NDRG1: variants seen among roughly 807,000 people sequenced by gnomAD.
The protein encoded by NDRG1 is N-myc downstream regulated 1.
Under a neutral mutation model 56.9 loss-of-function variants are expected in NDRG1, and 32 were observed. The ratio of observed to expected loss-of-function variants is 0.56; its 90% confidence interval spans 0.42 to 0.76. NDRG1 has a LOEUF of 0.76. Among genes scored for constraint, NDRG1 ranks in the 30% least tolerant of loss-of-function variants. The pLI, the probability that NDRG1 is intolerant of heterozygous loss-of-function variation, is 0.00. For synonymous variants in NDRG1, 211 were observed against 204.1 expected (o/e 1.03, Z -0.29); for missense variants, 507 against 545.7 (o/e 0.93, Z 0.71).
intron 1 of NDRG1, among the ~76,000 whole-genome samples, chr8:133,287,497 C>T (rs555692850): frequency 1.4e-4 from 22 of 152,368 alleles, no homozygotes; most frequent in African/African-American, 3.8e-4. Context: ...CCTGCCCCCA[C>T]GGAGCTCACA....
chr8:133,243,953 G>A (rs995131444), intron 14 of NDRG1, among the ~76,000 whole-genome samples: 4 of 151,728 alleles, frequency 2.6e-5, no homozygotes, highest in African/African-American at 9.7e-5. Context: ...CACACACACA[G>A]ACGTGTACAC....
At chr8:133,250,774 G>A (rs570609357) in intron 9 of NDRG1, among the ~76,000 whole-genome samples, 1 of 152,088 alleles carries the variant, frequency 6.6e-6, no homozygotes, top group East Asian at 1.9e-4. Context: ...TCCTGGAAAG[G>A]CCACACCCCA....
At position 133,238,087 on chromosome 8, in the gene NDRG1, G is replaced by A. The variant is rs1174133451; in HGVS notation, c.*791C>T. The A allele has an allele frequency of 1.7e-5, 4 of 233,042 alleles. No individual in the cohort carries two copies. Among genetic ancestry groups the A allele is most frequent in the Non-Finnish European group, 3.4e-5 (4 of 117,990 alleles). The allele number at this position is 233,042 out of a possible 1,614,324, so 14.4% of individuals were successfully genotyped here. ...TCATGTATCAGGGGTGGGAGGTTGG[G>A]GCTGTGGAGGAGAGGCAGAAAGCAG... On this transcript the variant is annotated 3_prime_UTR_variant, in exon 16 of 16. Coordinates refer to ENST00000323851, the MANE Select transcript of NDRG1 (RefSeq NM_006096.4).
At chr8:133,258,209 T>TAC (rs1439696342) in intron 7 of NDRG1, among the ~76,000 whole-genome samples, 157 bp downstream of exon 7, 1 of 151,090 alleles carries the variant, frequency 6.6e-6, no homozygotes, top group Admixed American at 6.6e-5. Context: ...TATATATATA[T>TAC]ACGAGTACCC....
At chr8:133,281,326 C>G (rs190095724) in intron 2 of NDRG1, among the ~76,000 whole-genome samples, 18 of 149,578 alleles carry the variant, frequency 1.2e-4, no homozygotes, top group Non-Finnish European at 2.4e-4. Context: ...CATGGCACTC[C>G]AGCCTGGGCA....
At chr8:133,241,909 G>C in intron 15 of NDRG1, 114 bp downstream of exon 15, 1 of 1,252,954 alleles carries the variant, frequency 8.0e-7, no homozygotes, top group Non-Finnish European at 1.2e-6. Context: ...CTCCCAGAAA[G>C]CTGAAGCTGG....
chr8:133,292,614 C>G (rs1858492367), intron 1 of NDRG1, among the ~76,000 whole-genome samples: 1 of 152,122 alleles, frequency 6.6e-6, no homozygotes, highest in South Asian at 2.1e-4. Context: ...GCCATAGACC[C>G]ACCTCTTAAA....
intron 12 of NDRG1, 24 bp downstream of exon 12, chr8:133,247,851 A>C (rs752095316): frequency 1.9e-6 from 3 of 1,613,722 alleles, no homozygotes; most frequent in Non-Finnish European, 2.5e-6. Context: ...TTAAACACAG[A>C]AATCAGCTGT....
chr8:133,266,166 G>A (rs1414901888), intron 3 of NDRG1, among the ~76,000 whole-genome samples: 2 of 152,242 alleles, frequency 1.3e-5, no homozygotes, highest in South Asian at 2.1e-4. Context: ...GCAGCACAGA[G>A]GCAGGTCCCC....
chr8:133,252,147 A>G (rs1054302977), intron 9 of NDRG1, among the ~76,000 whole-genome samples: 1 of 152,172 alleles, frequency 6.6e-6, no homozygotes, highest in African/African-American at 2.4e-5. Context: ...CCCAGGCTGC[A>G]GTGCATGGCG....
At chr8:133,296,982 G>A (rs1177890870) in intron 1 of NDRG1, 152 bp downstream of exon 1, 1 of 160,626 alleles carries the variant, frequency 6.2e-6, no homozygotes, top group African/African-American at 2.4e-5. Flanking sequence ...CCTCGCGCCC[G>A]CGCCCCGGGG....
intron 4 of NDRG1, 118 bp downstream of exon 4, chr8:133,264,429 A>G (rs1489393229): frequency 2.5e-5 from 22 of 875,568 alleles, no homozygotes; most frequent in Non-Finnish European, 4.1e-5. Context: ...GAACAGCCCC[A>G]GGAAGTCCCA....
chr8:133,242,451 C>T (rs765367311), intron 14 of NDRG1, among the ~76,000 whole-genome samples: 5 of 152,230 alleles, frequency 3.3e-5, no homozygotes, highest in Non-Finnish European at 7.3e-5. Flanking sequence ...GGCTTTGCTG[C>T]GTTCATTCAT....
At chr8:133,264,312 T>C (rs981789449) in intron 4 of NDRG1, among the ~76,000 whole-genome samples, 1 of 152,234 alleles carries the variant, frequency 6.6e-6, no homozygotes, top group Non-Finnish European at 1.5e-5. Flanking sequence ...CTGCCACAGA[T>C]AGCAAACAGC....
At chr8:133,289,296 A>C (rs767029118) in intron 1 of NDRG1, among the ~76,000 whole-genome samples, 16 of 152,206 alleles carry the variant, frequency 1.1e-4, no homozygotes, top group Middle Eastern at 3.4e-3. Context: ...GTGGGGCTTA[A>C]ATTCAAGAAT....
In NDRG1 at chr8:133,242,042, G is replaced by A. The variant is rs1376691366; in HGVS notation, c.924C>T (p.Phe308=). 8.7e-6 allele frequency: 14 copies of A among 1,614,060 alleles called. No homozygotes were observed. Among genetic ancestry groups the A allele is most frequent in the Admixed American group, 5.0e-5 (3 of 60,000 alleles). Residue 308 remains phenylalanine, a synonymous_variant, in exon 15 of 16, where the codon TTC becomes TTT. Transcript: ENST00000323851. ...ACTCACTGTATCCCATGCCCTGCACGAAGTACTTGAAGGCCTCAGCGAGCT... is the reference window on the plus strand; with the variant it reads ...ACTCACTGTATCCCATGCCCTGCACAAAGTACTTGAAGGCCTCAGCGAGCT... ...PAKLAEAFKY[F]VQGMGYMPSA...
chr8:133,247,131 G>A (rs1855731448), intron 12 of NDRG1, among the ~76,000 whole-genome samples: 1 of 152,134 alleles, frequency 6.6e-6, no homozygotes, highest in South Asian at 2.1e-4. Flanking sequence ...CTGGAATTGG[G>A]CAGAATACCC....
chr8:133,261,659 G>A (rs879701770), intron 5 of NDRG1, among the ~76,000 whole-genome samples: 1 of 152,128 alleles, frequency 6.6e-6, no homozygotes, highest in Non-Finnish European at 1.5e-5. Context: ...ATTTGGTGGT[G>A]TCAAGTCCTC....
intron 4 of NDRG1, among the ~76,000 whole-genome samples, chr8:133,262,493 T>C (rs181670621): frequency 7.9e-5 from 12 of 152,212 alleles, no homozygotes; most frequent in Admixed American, 3.9e-4. Context: ...TGGCATGAGA[T>C]GGCTTTGCCC....
Sources: gnomAD v4.1 joint callset for allele counts (sites outside exome capture counted in the v4.1 genomes callset) on GRCh38, gnomAD v4.1.1 for gene constraint, MANE v1.5 for transcripts, NCBI Gene and HGNC (gene_info 2026-07-23, HGNC 2026-07-21) for gene names.